NDE1: variants seen among roughly 807,000 people sequenced by gnomAD.
NDE1 encodes nuclear distribution protein nudE homolog 1.
Under a neutral mutation model 43.4 loss-of-function variants are expected in NDE1, and 28 were observed. The ratio of observed to expected loss-of-function variants is 0.65; its 90% CI spans 0.48 to 0.89. The LOEUF (loss-of-function observed/expected upper bound fraction) is 0.89. Ranked by LOEUF, NDE1 falls within the 40% of genes least tolerant of loss-of-function variation. The pLI, the probability that NDE1 is intolerant of heterozygous loss-of-function variation, is 0.00. For missense variants in NDE1, 441 were observed against 434.1 expected, an observed-to-expected ratio of 1.02 and a Z score of -0.14; for synonymous variants, 184 against 172.0, an observed-to-expected ratio of 1.07 and a Z score of -0.55.
chr16:15,693,262 C>G (rs921050752), intron 6 of NDE1, among the ~76,000 whole-genome samples: 2 of 152,182 alleles, frequency 1.3e-5, no homozygotes, highest in Non-Finnish European at 2.9e-5. Context: ...GCCTCGGCCT[C>G]TGAAAGCACT....
intron 1 of NDE1, among the ~76,000 whole-genome samples, chr16:15,655,871 T>C (rs1235909180): frequency 6.6e-6 from 1 of 150,656 alleles, no homozygotes; most frequent in Non-Finnish European, 1.5e-5. Flanking sequence ...CAGTAAACTA[T>C]TGCAAGAACA....
intron 8 of NDE1, 185 bp downstream of exon 8, chr16:15,697,045 T>A: frequency 6.6e-7 from 1 of 1,508,776 alleles, no homozygotes; most frequent in Admixed American, 2.1e-5. Context: ...AACAAAGGGC[T>A]AGAGAGAGGG....
At position 15,676,223 on chromosome 16, in the gene NDE1, T is replaced by TG. The variant is rs1218154924; in HGVS notation, c.238-1576dup. On this transcript the variant is annotated intron_variant, in intron 3 of 8. Coordinates refer to ENST00000396354, the MANE Select transcript of NDE1 (RefSeq NM_017668.3). ...CTTTTTCTTTCTTTCTTTGTTTTTC[T>TG]GGTTTTTTTTTTTTTTTTTGAGACA... Among the ~76,000 whole-genome samples the TG allele has an allele frequency of 8.5e-4, 88 of 104,032 alleles. 1 individual carries two copies. The highest frequency in any genetic ancestry group is 3.4e-3 in the African/African-American group (82 of 24,214). The allele number at this position is 104,032 out of a possible 152,430, so 68.2% of individuals were successfully genotyped here. A position where few individuals can be genotyped will look rare whatever the true frequency, so the allele number is the denominator to read the frequency against.
intron 8 of NDE1, chr16:15,717,654 G>T (rs2040234515): frequency 4.2e-6 from 2 of 473,884 alleles, no homozygotes; most frequent in Non-Finnish European, 7.7e-6. Flanking sequence ...AATTAGCCGG[G>T]CAGTGGTGGC....
intron 8 of NDE1, among the ~76,000 whole-genome samples, chr16:15,723,502 C>T (rs1195201752): frequency 6.6e-6 from 1 of 151,818 alleles, no homozygotes; most frequent in Non-Finnish European, 1.5e-5. Context: ...CAAAAATTAG[C>T]CAGACATAGT....
At chr16:15,717,494 C>T in intron 8 of NDE1, 1 of 781,670 alleles carries the variant, frequency 1.3e-6, no homozygotes. Context: ...TGTAAAACTC[C>T]ACTCAAGAGC....
rs917291429 is a variant in NDE1 at position 15,696,557 on chromosome 16, A to T, written c.796-152A>T. The T allele has an allele frequency of 3.6e-6, 5 of 1,393,988 alleles. No individual in the cohort carries two copies. In the African/African-American group the frequency reaches 5.7e-5, roughly 16 times the overall value. The allele number at this position is 1,393,988 out of a possible 1,614,324, so 86.4% of individuals were successfully genotyped here. A position where few individuals can be genotyped will look rare whatever the true frequency, so the allele number is the denominator to read the frequency against. ...AGGTGCTTGGTTCTGAGACTGGCAT[A>T]TACGTTGGATTCCTCTTGGGGTCCC... is the stretch of plus-strand genomic sequence containing the variant. On this transcript the variant is annotated intron_variant, in intron 7 of 8. Transcript: ENST00000396354.
chr16:15,701,577 C>G (rs770801460), intron 8 of NDE1: 4 of 152,208 alleles, frequency 2.6e-5, no homozygotes, highest in Non-Finnish European at 5.9e-5. Flanking sequence ...AGGAGGCTTC[C>G]TTGTCAAAGA....
chr16:15,665,945 G>A (rs561073346), intron 2 of NDE1, among the ~76,000 whole-genome samples: 62 of 152,044 alleles, frequency 4.1e-4, no homozygotes, highest in Admixed American at 1.6e-3. Flanking sequence ...TAGTAGAGAC[G>A]GGGTTTCTCC....
At chr16:15,667,803 T>G (rs2037394411) in intron 3 of NDE1, among the ~76,000 whole-genome samples, 1 of 151,804 alleles carries the variant, frequency 6.6e-6, no homozygotes, top group Non-Finnish European at 1.5e-5. Flanking sequence ...GGCTAATTTT[T>G]TTTGTATTTG....
intron 8 of NDE1, chr16:15,716,997 A>G (rs1432103495): frequency 3.1e-6 from 3 of 954,080 alleles, no homozygotes; most frequent in Non-Finnish European, 5.1e-6. Flanking sequence ...TTCAGTTCTC[A>G]CAACATACCT....
upstream of NDE1, chr16:15,649,599 C>A (rs2036403691): frequency 2.0e-5 from 3 of 152,338 alleles, no homozygotes; most frequent in African/African-American, 7.2e-5. Flanking sequence ...GCTGGGATTA[C>A]AGGCGTGACC....
At chr16:15,647,186 G>A (rs1206234488), upstream of NDE1, among the ~76,000 whole-genome samples, 2 of 152,218 alleles carry the variant, frequency 1.3e-5, no homozygotes, top group Non-Finnish European at 2.9e-5. Flanking sequence ...TAGGTGGTGG[G>A]GTTCCCCTTT....
intron 5 of NDE1, among the ~76,000 whole-genome samples, chr16:15,690,353 C>CTTTTCTTTT (rs2038681608): frequency 2.5e-5 from 2 of 80,950 alleles, no homozygotes; most frequent in African/African-American, 1.0e-4. Context: ...TTTTTTTTTT[C>CTTTTCTTTT]TTTTTTTTTT....
intron 8 of NDE1, chr16:15,721,659 C>T: frequency 2.5e-6 from 4 of 1,612,900 alleles, no homozygotes; most frequent in Non-Finnish European, 3.4e-6. Context: ...CCAGAGGTGA[C>T]TTCTAGGCAT....
At chr16:15,656,016 T>G (rs1414505069) in intron 1 of NDE1, among the ~76,000 whole-genome samples, 1 of 147,202 alleles carries the variant, frequency 6.8e-6, no homozygotes, top group Admixed American at 6.8e-5. Context: ...CATTGGGAGA[T>G]ATACCTAATG....
intron 2 of NDE1, among the ~76,000 whole-genome samples, 198 bp downstream of exon 2, chr16:15,665,059 C>CTTT: frequency 7.0e-6 from 1 of 141,918 alleles, no homozygotes; most frequent in Non-Finnish European, 1.5e-5. Context: ...TCAGGCCAGG[C>CTTT]TTTTTTTTTT....
At chr16:15,720,478 G>T (rs760821068) in intron 8 of NDE1, among the ~76,000 whole-genome samples, 3 of 152,070 alleles carry the variant, frequency 2.0e-5, no homozygotes, top group Non-Finnish European at 4.4e-5. Flanking sequence ...GGGCGTGGGT[G>T]GCTCATGTCT....
At position 15,670,668 on chromosome 16, in the gene NDE1, A is replaced by G. The variant is rs544148571; in HGVS notation, c.237+3229A>G. On this transcript the variant is annotated intron_variant, in intron 3 of 8. Coordinates refer to ENST00000396354, the MANE Select transcript of NDE1 (RefSeq NM_017668.3). ...GCGAAACTCTGTCTCAAAAAAAAAA[A>G]AAAAGAAAGAAAAAGAAAGGACTGC... is the stretch of plus-strand genomic sequence containing the variant. Among the ~76,000 whole-genome samples the G allele has an allele frequency of 2.6e-3, 387 of 150,598 alleles. 6 individuals carry two copies. The highest frequency in any genetic ancestry group is 8.9e-3 in the African/African-American group (358 of 40,202).
Sources: gnomAD v4.1 joint callset for allele counts (sites outside exome capture counted in the v4.1 genomes callset) on GRCh38, gnomAD v4.1.1 for gene constraint, MANE v1.5 for transcripts, NCBI Gene and HGNC (gene_info 2026-07-23, HGNC 2026-07-21) for gene names.